The following GPM6A variants were observed in gnomAD, a reference collection of about 807,000 sequenced individuals.
GPM6A encodes the protein neuronal membrane glycoprotein M6-a.
Under a neutral mutation model 32.1 loss-of-function variants are expected in GPM6A, and 7 were observed. The ratio of observed to expected loss-of-function variants is 0.22; its 90% CI spans 0.12 to 0.41. The LOEUF is 0.41. GPM6A is among the 10% of genes least tolerant of loss of function. The pLI, the probability that GPM6A is intolerant of heterozygous loss-of-function variation, is 1.00. For missense variants in GPM6A, 235 were observed against 347.2 expected (o/e 0.68, Z 2.57); for synonymous variants, 130 against 123.4 (o/e 1.05, Z -0.35).
At chr4:175,635,927 C>G (rs1740552812) in intron 6 of GPM6A, among the ~76,000 whole-genome samples, 1 of 151,832 alleles carries the variant, frequency 6.6e-6, no homozygotes, top group East Asian at 1.9e-4. Context: ...AAATAGAACA[C>G]TAAGATTTTG....
intron 1 of GPM6A, among the ~76,000 whole-genome samples, chr4:175,722,025 GC>G (rs1203007074): frequency 6.6e-6 from 1 of 152,110 alleles, no homozygotes; most frequent in Non-Finnish European, 1.5e-5. Flanking sequence ...AATGTCCCAT[GC>G]CCATAATTCT....
intron 1 of GPM6A, among the ~76,000 whole-genome samples, chr4:175,910,663 G>C (rs907781207): frequency 6.6e-6 from 1 of 152,124 alleles, no homozygotes; most frequent in Non-Finnish European, 1.5e-5. Flanking sequence ...CAGGATGATT[G>C]CTTCTCTATT....
chr4:175,773,585 A>G (rs1367685464), intron 1 of GPM6A, among the ~76,000 whole-genome samples: 3 of 152,204 alleles, frequency 2.0e-5, no homozygotes, highest in Non-Finnish European at 4.4e-5. Flanking sequence ...ACAAAATGAC[A>G]TGTATATATT....
chr4:175,884,119 C>A (rs1049549013), intron 1 of GPM6A, among the ~76,000 whole-genome samples: 2 of 152,160 alleles, frequency 1.3e-5, no homozygotes, highest in African/African-American at 4.8e-5. Flanking sequence ...ACATACGTCA[C>A]AGGGCTATTT....
chr4:175,909,318 C>A (rs940125691), intron 1 of GPM6A, among the ~76,000 whole-genome samples: 27 of 152,158 alleles, frequency 1.8e-4, no homozygotes, highest in East Asian at 3.9e-4. Context: ...CTCCAACTGG[C>A]GCATTTGGAT....
intron 1 of GPM6A, among the ~76,000 whole-genome samples, chr4:175,754,040 T>C (rs1433393629): frequency 2.0e-5 from 3 of 152,162 alleles, no homozygotes; most frequent in Non-Finnish European, 4.4e-5. Flanking sequence ...AATCTATCAA[T>C]TCACTTGTTC....
intron 1 of GPM6A, among the ~76,000 whole-genome samples, chr4:175,861,531 C>T (rs991969576): frequency 1.3e-5 from 2 of 151,398 alleles, no homozygotes; most frequent in African/African-American, 4.8e-5. Context: ...GCAGGCAAAT[C>T]ACTTGAGGTC....
chr4:175,670,683 C>T (rs1256922533), intron 3 of GPM6A, among the ~76,000 whole-genome samples: 1 of 151,914 alleles, frequency 6.6e-6, no homozygotes, highest in African/African-American at 2.4e-5. Context: ...GTTTTACGTG[C>T]CTCAAATTCT....
intron 1 of GPM6A, among the ~76,000 whole-genome samples, chr4:175,920,228 A>G (rs762129835): frequency 4.6e-5 from 7 of 152,212 alleles, no homozygotes; most frequent in Non-Finnish European, 8.8e-5. Context: ...CTGGGATCCT[A>G]CATGTCTGGC....
chr4:175,942,214 T>G (rs974901616), intron 1 of GPM6A, among the ~76,000 whole-genome samples: 4 of 152,208 alleles, frequency 2.6e-5, no homozygotes, highest in Non-Finnish European at 5.9e-5. Context: ...TTTACCCACT[T>G]TTTGATGGGG....
At chr4:175,828,584 A>G (rs1196401408) in intron 1 of GPM6A, among the ~76,000 whole-genome samples, 2 of 152,176 alleles carry the variant, frequency 1.3e-5, no homozygotes, top group Non-Finnish European at 2.9e-5. Flanking sequence ...TAATGCAAAG[A>G]GTTTTTAATT....
At chr4:175,833,877 T>A (rs1735687449) in intron 1 of GPM6A, among the ~76,000 whole-genome samples, 1 of 152,094 alleles carries the variant, frequency 6.6e-6, no homozygotes, top group Non-Finnish European at 1.5e-5. Flanking sequence ...GATAAGCCCT[T>A]ACATGAGTCA....
chr4:175,687,396 G>C (rs1259278767), intron 2 of GPM6A, among the ~76,000 whole-genome samples: 1 of 151,838 alleles, frequency 6.6e-6, no homozygotes, highest in Non-Finnish European at 1.5e-5. Context: ...GACCATTTTA[G>C]ATAGTTCATA....
chr4:175,956,054 G>A (rs1335302566), intron 1 of GPM6A, among the ~76,000 whole-genome samples: 1 of 152,172 alleles, frequency 6.6e-6, no homozygotes, highest in Non-Finnish European at 1.5e-5. Context: ...ACCCCAAATA[G>A]GTCCCACAGA....
chr4:175,889,209 T>C (rs1050873014), intron 1 of GPM6A, among the ~76,000 whole-genome samples: 5 of 152,186 alleles, frequency 3.3e-5, no homozygotes, highest in African/African-American at 1.2e-4. Flanking sequence ...GAGAATAATT[T>C]TGTCATTAGA....
At chr4:175,924,839 C>CA (rs1190915755) in intron 1 of GPM6A, among the ~76,000 whole-genome samples, 6,123 of 61,638 alleles carry the variant, frequency 0.099, 237 homozygotes, top group Middle Eastern at 0.17. Flanking sequence ...AAATCTGTCT[C>CA]AAAAAAAAAA....
chr4:175,835,369 A>G (rs1476729734), intron 1 of GPM6A, among the ~76,000 whole-genome samples: 2 of 152,152 alleles, frequency 1.3e-5, no homozygotes, highest in Non-Finnish European at 2.9e-5. Context: ...AACCAGACAG[A>G]GATCATCTTC....
At chr4:175,716,104 C>A (rs1429498812) in intron 1 of GPM6A, among the ~76,000 whole-genome samples, 2 of 152,048 alleles carry the variant, frequency 1.3e-5, no homozygotes, top group African/African-American at 2.4e-5. Context: ...TTCTGTATGC[C>A]CATGCCCTAG....
intron 1 of GPM6A, among the ~76,000 whole-genome samples, chr4:175,861,749 G>GAAAAAAAAAAA (rs10716525): frequency 1.1e-5 from 1 of 87,244 alleles, no homozygotes; most frequent in African/African-American, 4.5e-5. Context: ...AAGAGACTCT[G>GAAAAAAAAAAA]AAAAAAAAAA....
Sources: gnomAD v4.1 joint callset for allele counts (sites outside exome capture counted in the v4.1 genomes callset) on GRCh38, gnomAD v4.1.1 for gene constraint, MANE v1.5 for transcripts, NCBI Gene and HGNC (gene_info 2026-07-23, HGNC 2026-07-21) for gene names.